PCDHA11: variants seen among roughly 807,000 people sequenced by gnomAD.
The protein encoded by PCDHA11 is protocadherin alpha 11, also known as protocadherin alpha-11.
A neutral mutation model predicts 70.3 loss-of-function variants in PCDHA11; 61 were observed. The observed-to-expected ratio is 0.87, with a 90% CI of 0.71 to 1.07. The LOEUF (loss-of-function observed/expected upper bound fraction) is 1.07, where lower values mean the gene tolerates loss of function less well. PCDHA11 is among the 50% of genes least tolerant of loss of function. PCDHA11 has a pLI of 0.00. For missense variants in PCDHA11, 1,324 were observed against 1,237.5 expected (o/e 1.07, Z -1.05); for synonymous variants, 633 against 555.1 (o/e 1.14, Z -1.97).
At position 141,011,492 on chromosome 5, in the gene PCDHA11, A is replaced by T. The variant is rs2098420803; in HGVS notation, c.*1555A>T. On this transcript the variant is annotated 3_prime_UTR_variant, in exon 4 of 4. Coordinates refer to ENST00000398640, the MANE Select transcript of PCDHA11 (RefSeq NM_018902.5). ...AATTCCATTATATTTCCTTTTGTAC[A>T]CCTGTGAAAAAGTGGAGTAGTGTTT... The T allele has an allele frequency of 1.3e-5, 2 of 153,698 alleles. No individual in the cohort carries two copies. The highest frequency in any genetic ancestry group is 2.9e-5 in the Non-Finnish European group (2 of 68,026). 9.5% of individuals were successfully genotyped at this position (153,698 alleles called of 1,614,324 possible).
At chr5:140,928,699 G>A in intron 1 of PCDHA11, 3 of 1,614,170 alleles carry the variant, frequency 1.9e-6, no homozygotes, top group Non-Finnish European at 2.5e-6. Flanking sequence ...CATCTCCCGG[G>A]CGTCTGACTC....
intron 1 of PCDHA11, among the ~76,000 whole-genome samples, chr5:140,960,147 T>C (rs2095529138): frequency 6.6e-6 from 1 of 152,322 alleles, no homozygotes; most frequent in Admixed American, 6.5e-5. Context: ...TATTAATAGC[T>C]TGAGACTGAT....
chr5:140,966,820 G>A, intron 1 of PCDHA11: 1 of 1,557,392 alleles, frequency 6.4e-7, no homozygotes, highest in Non-Finnish European at 8.7e-7. Context: ...GGCTCCGGCG[G>A]CCCATGCCCT....
At chr5:140,901,502 T>G (rs782679945) in intron 1 of PCDHA11, among the ~76,000 whole-genome samples, 1 of 152,182 alleles carries the variant, frequency 6.6e-6, no homozygotes, top group Non-Finnish European at 1.5e-5. Context: ...CGAAAATGAG[T>G]TCATTATAGA....
chr5:140,921,741 A>AT (rs1554200411), intron 1 of PCDHA11, among the ~76,000 whole-genome samples: 1 of 152,202 alleles, frequency 6.6e-6, no homozygotes, highest in Non-Finnish European at 1.5e-5. Context: ...AATTATAAGC[A>AT]TAACAGGACA....
chr5:140,995,353 G>A lies in PCDHA11; in HGVS notation c.2539+12790G>A, dbSNP rs922727759. 8.5e-5 allele frequency among the ~76,000 whole-genome samples: 13 copies of A among 152,138 alleles called. 1 individual carries two copies. The highest frequency in any genetic ancestry group is 4.2e-4 in the South Asian group (2 of 4,804). ...GTAGTGTAGACGGCATGGATAGGTC[G>A]GACAGAGGGATGATTCACGTACTGG... On this transcript the variant is annotated intron_variant, in intron 3 of 3. Transcript: ENST00000398640.
intron 1 of PCDHA11, chr5:140,969,257 AATC>A (rs782398697): frequency 1.2e-6 from 2 of 1,614,102 alleles, no homozygotes; most frequent in African/African-American, 2.7e-5. Context: ...TGACAGCAGG[AATC>A]TCACAGGCCA....
At chr5:140,874,328 T>G (rs937817026) in intron 1 of PCDHA11, among the ~76,000 whole-genome samples, 1 of 144,806 alleles carries the variant, frequency 6.9e-6, no homozygotes, top group African/African-American at 2.9e-5. Flanking sequence ...TCTTATCTGT[T>G]TTTTTCTCTT....
chr5:140,923,275 CA>C (rs1328074482), intron 1 of PCDHA11, among the ~76,000 whole-genome samples: 2 of 152,128 alleles, frequency 1.3e-5, no homozygotes, highest in Admixed American at 1.3e-4. Context: ...CTTGTCTCTA[CA>C]AAAAATTAAA....
chr5:140,911,941 T>C (rs1554195035), intron 1 of PCDHA11, among the ~76,000 whole-genome samples: 1 of 152,132 alleles, frequency 6.6e-6, no homozygotes, highest in Non-Finnish European at 1.5e-5. Flanking sequence ...TAGATGTATA[T>C]ATAAAGGGGA....
At chr5:140,975,594 A>G (rs914837592) in intron 1 of PCDHA11, among the ~76,000 whole-genome samples, 3 of 152,236 alleles carry the variant, frequency 2.0e-5, no homozygotes, top group Admixed American at 2.0e-4. Flanking sequence ...CCAGAGGGCA[A>G]TTTGTTGATG....
chr5:140,988,201 A>C (rs2097286908), intron 3 of PCDHA11, among the ~76,000 whole-genome samples: 1 of 152,064 alleles, frequency 6.6e-6, no homozygotes, highest in Non-Finnish European at 1.5e-5. Context: ...GCATATCCTT[A>C]TTAGGAAAAA....
intron 1 of PCDHA11, chr5:140,883,657 C>T: frequency 1.2e-6 from 2 of 1,613,594 alleles, no homozygotes; most frequent in Non-Finnish European, 1.7e-6. Context: ...ACACGGTGTT[C>T]GTGAAGGAAA....
chr5:140,916,028 C>T (rs1554197245), intron 1 of PCDHA11, among the ~76,000 whole-genome samples: 1 of 152,152 alleles, frequency 6.6e-6, no homozygotes, highest in African/African-American at 2.4e-5. Flanking sequence ...TCCCATTCTT[C>T]CCTCCCCTTT....
chr5:140,937,071 T>G (rs2091308048), intron 1 of PCDHA11, among the ~76,000 whole-genome samples: 1 of 147,932 alleles, frequency 6.8e-6, no homozygotes, highest in African/African-American at 2.5e-5. Context: ...GGAGTCTCGC[T>G]CTGTCGCCCA....
intron 1 of PCDHA11, among the ~76,000 whole-genome samples, chr5:140,972,775 T>C (rs1277210789): frequency 6.6e-6 from 1 of 151,656 alleles, no homozygotes; most frequent in Non-Finnish European, 1.5e-5. Context: ...GTGATTCTTC[T>C]GCCTCAGCCT....
intron 1 of PCDHA11, among the ~76,000 whole-genome samples, chr5:140,889,588 GA>G (rs2062289236): frequency 6.6e-6 from 1 of 151,768 alleles, no homozygotes; most frequent in East Asian, 1.9e-4. Context: ...TTTTTGCTTT[GA>G]AATATTTTTA....
At chr5:140,983,438 C>T (rs1233600670) in intron 3 of PCDHA11, among the ~76,000 whole-genome samples, 2 of 152,224 alleles carry the variant, frequency 1.3e-5, no homozygotes, top group Non-Finnish European at 2.9e-5. Flanking sequence ...ATTGTGTCTA[C>T]TCTAATCCTC....
intron 1 of PCDHA11, among the ~76,000 whole-genome samples, chr5:140,900,465 C>T (rs936722061): frequency 1.3e-5 from 2 of 152,156 alleles, no homozygotes; most frequent in Admixed American, 1.3e-4. Context: ...TTAGTAGACA[C>T]GGAGTTTCTC....
Sources: allele counts gnomAD v4.1 joint callset (sites outside exome capture counted in the v4.1 genomes callset), GRCh38; gene constraint gnomAD v4.1.1; transcripts MANE v1.5; gene names NCBI Gene and HGNC (gene_info 2026-07-23, HGNC 2026-07-21).